Variants in PDK3 observed in about 807,000 individuals in gnomAD.
The protein encoded by PDK3 is pyruvate dehydrogenase kinase, isozyme 3.
PDK3 carries 12 observed loss-of-function variants against 32.0 expected under a neutral mutation model. The ratio of observed to expected loss-of-function variants is 0.37; its 90% CI spans 0.24 to 0.61. The LOEUF is 0.61. Ranked by LOEUF, PDK3 falls within the 20% of genes least tolerant of loss-of-function variation. The pLI is 0.65. For synonymous variants in PDK3, 122 were observed against 116.3 expected, an observed-to-expected ratio of 1.05 and a Z score of -0.31; for missense variants, 188 against 316.9, an observed-to-expected ratio of 0.59 and a Z score of 3.09.
downstream of PDK3, among the ~76,000 whole-genome samples, chrX:24,534,718 G>A (rs907940109): frequency 1.2e-4 from 13 of 112,638 alleles, no homozygotes; most frequent in Admixed American, 4.7e-4. Context: ...GGAGGCTGAG[G>A]CTGGATGATC....
At chrX:24,523,997 G>A (rs182212633) in intron 6 of PDK3, among the ~76,000 whole-genome samples, 47 of 112,316 alleles carry the variant, frequency 4.2e-4, no homozygotes, top group African/African-American at 1.5e-3. Context: ...AAACTTATCA[G>A]CTCTACTGTT....
intron 9 of PDK3, among the ~76,000 whole-genome samples, chrX:24,528,595 G>C (rs928355725): frequency 8.9e-6 from 1 of 112,706 alleles, no homozygotes; most frequent in Non-Finnish European, 1.9e-5. Context: ...CCACAGAGGC[G>C]CGAATCACCT....
At chrX:24,495,697 T>C (rs993303784) in intron 2 of PDK3, among the ~76,000 whole-genome samples, 2 of 112,474 alleles carry the variant, frequency 1.8e-5, no homozygotes, top group Non-Finnish European at 3.8e-5. Flanking sequence ...CTGGAGACTC[T>C]CTGATGGTCG....
intron 1 of PDK3, among the ~76,000 whole-genome samples, chrX:24,475,232 T>TC (rs1921085188): frequency 9.1e-6 from 1 of 110,286 alleles, no homozygotes; most frequent in African/African-American, 3.3e-5. Flanking sequence ...CTACAAGGTG[T>TC]CACCAAGAAT....
chrX:24,514,242 C>T (rs886344834), intron 5 of PDK3, among the ~76,000 whole-genome samples: 1 of 112,166 alleles, frequency 8.9e-6, no homozygotes, highest in Admixed American at 9.5e-5. Flanking sequence ...AACCTTCACC[C>T]TGTTCTCAGC....
intron 1 of PDK3, among the ~76,000 whole-genome samples, chrX:24,482,208 T>G (rs1921278626): frequency 9.0e-6 from 1 of 111,198 alleles, no homozygotes; most frequent in South Asian, 3.8e-4. Flanking sequence ...GAGTGAGGTT[T>G]GTTTGTTTGT....
intron 5 of PDK3, among the ~76,000 whole-genome samples, chrX:24,512,541 T>C (rs1395695144): frequency 9.0e-6 from 1 of 111,628 alleles, no homozygotes; most frequent in Non-Finnish European, 1.9e-5. Flanking sequence ...CACTTTATAG[T>C]TGGAGCTATA....
chrX:24,529,765 AAAAAAAAAAAG>A (rs1193625084), intron 9 of PDK3, among the ~76,000 whole-genome samples: 5 of 110,984 alleles, frequency 4.5e-5, no homozygotes, highest in Non-Finnish European at 7.6e-5. Context: ...CCTCAAAAAA[AAAAAAAAAAAG>A]AAAAGAAAAA....
intron 5 of PDK3, among the ~76,000 whole-genome samples, chrX:24,517,325 C>T (rs986922850): frequency 2.7e-5 from 3 of 110,871 alleles, no homozygotes; most frequent in Non-Finnish European, 5.7e-5. Context: ...TGGGTTCAAG[C>T]AATTCTCCTG....
exon 12 of PDK3, among the ~76,000 whole-genome samples, chrX:24,544,832 C>T (rs756873139): frequency 6.3e-4 from 71 of 112,140 alleles, no homozygotes; most frequent in Admixed American, 1.3e-3. Context: ...GCCATCTTTT[C>T]AGCAGTCCAG....
exon 12 of PDK3, among the ~76,000 whole-genome samples, chrX:24,544,977 A>G (rs1205423335): frequency 2.7e-5 from 3 of 112,598 alleles, no homozygotes; most frequent in Non-Finnish European, 3.7e-5. Flanking sequence ...TCTGTGTGGA[A>G]AGATAACTTT....
intron 4 of PDK3, 60 bp downstream of exon 4, chrX:24,503,571 G>A: frequency 1.2e-6 from 1 of 860,943 alleles, no homozygotes; most frequent in East Asian, 3.6e-5. Context: ...TCTCCCAAAT[G>A]TTTTCCTGTT....
intron 6 of PDK3, among the ~76,000 whole-genome samples, chrX:24,524,676 G>C (rs1396637472): frequency 9.0e-6 from 1 of 111,540 alleles, no homozygotes; most frequent in Non-Finnish European, 1.9e-5. Context: ...GCAATTTACA[G>C]CATCCCTAAT....
exon 12 of PDK3, chrX:24,547,643 C>A (rs1339209215): frequency 8.9e-6 from 1 of 112,411 alleles, no homozygotes; most frequent in Non-Finnish European, 1.9e-5. Context: ...ATTGCAATTG[C>A]ATTCTTGAAA....
Position 24,505,203 on chromosome X carries a change from G to C in PDK3, c.506-6G>C, listed in dbSNP as rs376450754. The stretch of plus-strand genomic sequence containing the variant: ...ATCCCCTCCCTTTCCTTTTGTGTTC[G>C]TCTAGCACTTCTGTTTGGGGGTGAC... On this transcript the variant is annotated splice_region_variant and splice_polypyrimidine_tract_variant and intron_variant, in intron 4 of 10. Transcript: ENST00000379162. 1 of 1,188,438 alleles carries C rather than the reference G, an allele frequency of 8.4e-7. No individual in the cohort carries two copies. Among genetic ancestry groups the C allele is most frequent in the Non-Finnish European group, 1.1e-6 (1 of 878,633 alleles).
intron 8 of PDK3, 112 bp from the exon 9 acceptor site, chrX:24,527,963 TC>T: frequency 2.0e-6 from 1 of 491,329 alleles, no homozygotes; most frequent in African/African-American, 2.3e-5. Context: ...GGATTCAAAG[TC>T]CTTGTACATT....
intron 5 of PDK3, among the ~76,000 whole-genome samples, chrX:24,514,919 G>A (rs745761077): frequency 4.5e-5 from 5 of 111,474 alleles, no homozygotes; most frequent in Admixed American, 9.6e-5. Context: ...TTTTAAATTT[G>A]GTAACGAATC....
At chrX:24,492,344 T>G (rs1921584362) in intron 1 of PDK3, among the ~76,000 whole-genome samples, 1 of 111,533 alleles carries the variant, frequency 9.0e-6, no homozygotes, top group Admixed American at 9.5e-5. Flanking sequence ...ATGCCAGCAC[T>G]TTGGGAGGCC....
At chrX:24,528,996 A>G (rs1922584803) in intron 9 of PDK3, among the ~76,000 whole-genome samples, 1 of 112,835 alleles carries the variant, frequency 8.9e-6, no homozygotes, top group African/African-American at 3.2e-5. Context: ...TTTTATTTGT[A>G]TGAATAAAAT....
Sources: allele counts gnomAD v4.1 joint callset (sites outside exome capture counted in the v4.1 genomes callset), GRCh38; gene constraint gnomAD v4.1.1; transcripts MANE v1.5; gene names NCBI Gene and HGNC (gene_info 2026-07-23, HGNC 2026-07-21).